Variants in STAG1 observed in about 807,000 individuals in gnomAD.
STAG1 encodes STAG1 cohesin complex component, also known as cohesin subunit SA-1.
In STAG1, 26 loss-of-function variants were observed where a neutral mutation model predicts 170.9. The ratio of observed to expected loss-of-function variants is 0.15; its 90% CI spans 0.11 to 0.21. The LOEUF is 0.21. STAG1 is among the 10% of genes least tolerant of loss of function. The pLI is 1.00. For synonymous variants in STAG1, 514 were observed against 497.7 expected (o/e 1.03, Z -0.44); for missense variants, 964 against 1,509.5 (o/e 0.64, Z 5.99).
At position 136,341,559 on chromosome 3, in the gene STAG1, A is replaced by G; in HGVS notation, c.3447-8T>C. 6.4e-7 allele frequency: 1 copy of G among 1,566,114 alleles called. No homozygotes were observed. The highest frequency in any genetic ancestry group is 8.8e-7 in the Non-Finnish European group (1 of 1,137,560). On this transcript the variant is annotated splice_region_variant and splice_polypyrimidine_tract_variant and intron_variant, in intron 30 of 33. Coordinates refer to ENST00000383202, the MANE Select transcript of STAG1 (RefSeq NM_005862.3). ...GAGATCTGCATCTGAGGACTAAGAG[A>G]GGGTACTATTATTAATTTTGTAGCA...
rs1378368167 is a variant in STAG1, at chr3:136,398,868, C to A, written c.2197-39G>T. 3.7e-5 allele frequency: 47 copies of A among 1,279,542 alleles called. No individual in the cohort carries two copies. Among genetic ancestry groups the A allele is most frequent in the Admixed American group, 6.6e-5 (3 of 45,378 alleles). 79.3% of individuals were successfully genotyped at this position (1,279,542 alleles called of 1,614,324 possible). On this transcript the variant is annotated intron_variant, in intron 21 of 33. Coordinates refer to ENST00000383202, the MANE Select transcript of STAG1 (RefSeq NM_005862.3). ...AAAAAAATTTTTTTAATGAAAAATT[C>A]AAAAAAATGAGATCATCTGTTTGCA...
chr3:136,702,177 T>C (rs1002604332), intron 1 of STAG1, among the ~76,000 whole-genome samples: 1 of 149,720 alleles, frequency 6.7e-6, no homozygotes, highest in South Asian at 2.1e-4. Flanking sequence ...GAATGTGGTG[T>C]GTGTGTAAAG....
Position 136,378,184 on chromosome 3 carries a change from T to C in STAG1, c.2278-432A>G, listed in dbSNP as rs1368911231. Among the ~76,000 whole-genome samples, 20 of 152,292 alleles carry C rather than the reference T, an allele frequency of 1.3e-4. No individual in the cohort carries two copies. In the East Asian group the frequency reaches 3.9e-3, roughly 29 times the overall value. The stretch of plus-strand genomic sequence containing the variant: ...CTGCAAAATGTCAGGGGAAGAAAGA[T>C]AAATTTAAGACAGTGCCATGCCCTC... On this transcript the variant is annotated intron_variant, in intron 22 of 33. Coordinates refer to ENST00000383202, the MANE Select transcript of STAG1 (RefSeq NM_005862.3).
Position 136,696,532 on chromosome 3 carries a change from C to CTT in STAG1, c.-84+55661_-84+55662dup, listed in dbSNP as rs200491458. On this transcript the variant is annotated intron_variant, in intron 1 of 33. Coordinates refer to ENST00000383202, the MANE Select transcript of STAG1 (RefSeq NM_005862.3). Reference sequence around the variant, plus strand: ...AGTAAATACTAATGTAAACTATGAACTTTGAGTGATAATGAGTCAGTGTAG... The same window carrying CTT: ...AGTAAATACTAATGTAAACTATGAACTTTTTGAGTGATAATGAGTCAGTGTAG... Among the ~76,000 whole-genome samples the CTT allele has an allele frequency of 5.1e-3, 772 of 152,084 alleles. 15 individuals are homozygous for CTT. Among genetic ancestry groups the CTT allele is most frequent in the Admixed American group, 0.031 (479 of 15,262 alleles).
At chr3:136,459,465 A>G (rs2089215002) in intron 13 of STAG1, among the ~76,000 whole-genome samples, 2 of 152,190 alleles carry the variant, frequency 1.3e-5, no homozygotes, top group Non-Finnish European at 1.5e-5. Flanking sequence ...CCAGACGGAA[A>G]AAGAATCAAT....
chr3:136,571,229 GC>G (rs1559885069), intron 4 of STAG1, among the ~76,000 whole-genome samples: 1 of 152,100 alleles, frequency 6.6e-6, no homozygotes, highest in Non-Finnish European at 1.5e-5. Context: ...CATATGAAGA[GC>G]TCAAAACATT....
intron 32 of STAG1, among the ~76,000 whole-genome samples, chr3:136,338,761 A>G (rs1489306316): frequency 6.6e-6 from 1 of 152,252 alleles, no homozygotes; most frequent in East Asian, 1.9e-4. Context: ...AAAGTCACAG[A>G]AAAATTACAG....
intron 1 of STAG1, among the ~76,000 whole-genome samples, chr3:136,653,557 AT>A (rs1285922083): frequency 6.6e-6 from 1 of 152,146 alleles, no homozygotes; most frequent in Non-Finnish European, 1.5e-5. Context: ...CTATACACAT[AT>A]TTACTAATTA....
chr3:136,439,128 G>A (rs1329312643), intron 15 of STAG1, among the ~76,000 whole-genome samples: 7 of 148,338 alleles, frequency 4.7e-5, no homozygotes, highest in African/African-American at 7.5e-5. Context: ...CCTGGGAGGC[G>A]GAGGTTGCAG....
intron 22 of STAG1, among the ~76,000 whole-genome samples, chr3:136,385,379 G>A (rs981455330): frequency 1.3e-5 from 2 of 152,314 alleles, no homozygotes; most frequent in Non-Finnish European, 2.9e-5. Flanking sequence ...GATTGAGGCT[G>A]CAGTGAGCCA....
At chr3:136,668,972 A>G (rs1263337272) in intron 1 of STAG1, among the ~76,000 whole-genome samples, 1 of 152,212 alleles carries the variant, frequency 6.6e-6, no homozygotes, top group African/African-American at 2.4e-5. Flanking sequence ...ATGATGCCCT[A>G]TACTTCTTCA....
chr3:136,727,291 C>G (rs1406006256), intron 1 of STAG1, among the ~76,000 whole-genome samples: 1 of 152,190 alleles, frequency 6.6e-6, no homozygotes, highest in East Asian at 1.9e-4. Context: ...ATCTCATTCC[C>G]CATCTATGTT....
intron 1 of STAG1, among the ~76,000 whole-genome samples, chr3:136,633,526 C>T (rs1003935900): frequency 4.6e-5 from 7 of 151,770 alleles, no homozygotes; most frequent in African/African-American, 1.7e-4. Flanking sequence ...ATGGTGAAAC[C>T]CCATCTCCAC....
intron 16 of STAG1, among the ~76,000 whole-genome samples, chr3:136,425,085 G>A (rs560075008): frequency 3.0e-3 from 463 of 151,880 alleles, no homozygotes; most frequent in African/African-American, 9.7e-3. Flanking sequence ...TGATCTGCCC[G>A]CCCCGGCCTC....
At position 136,366,968 on chromosome 3, in the gene STAG1, G is replaced by A; in HGVS notation, c.2660C>T (p.Ala887Val). The A allele has an allele frequency of 6.2e-7, 1 of 1,607,720 alleles. No individual in the cohort carries two copies. Among genetic ancestry groups the A allele is most frequent in the Non-Finnish European group, 8.5e-7 (1 of 1,175,860 alleles). The change falls in exon 25 of 34, where the codon GCA (alanine) becomes GTA (valine). Residue 887 changes from alanine to valine, a missense_variant. This residue lies in a region of STAG1 where 149 missense variants were observed against 301.3 expected (regional missense o/e 0.49). Transcript: ENST00000383202. ...IYDIVDMHAA[A>V]DIFKHYMKYY... ...CTTCATGTAGTGTTTGAAGATGTCT[G>A]CAGCTGCATGCATGTCAACAATGTC...
At chr3:136,475,232 C>T (rs1245337785) in intron 10 of STAG1, among the ~76,000 whole-genome samples, 2 of 149,640 alleles carry the variant, frequency 1.3e-5, no homozygotes, top group Non-Finnish European at 3.0e-5. Context: ...CTGCAACCTC[C>T]GCCTCCCAGG....
Position 136,663,520 on chromosome 3 carries a change from AT to A in STAG1, c.-83-32540del, listed in dbSNP as rs1221584561. Among the ~76,000 whole-genome samples the A allele has an allele frequency of 3.9e-5, 6 of 152,320 alleles. No homozygotes were observed. In the South Asian group the frequency reaches 1.2e-3, roughly 32 times the overall value. On this transcript the variant is annotated intron_variant, in intron 1 of 33. Coordinates refer to ENST00000383202, the MANE Select transcript of STAG1 (RefSeq NM_005862.3). ...GCACCAGAGATAAGGGGAATGAAAG[AT>A]TTTACAGGTAGGCTTCAGACAAGCA...
At chr3:136,659,936 T>G (rs977919159) in intron 1 of STAG1, among the ~76,000 whole-genome samples, 2 of 152,204 alleles carry the variant, frequency 1.3e-5, no homozygotes, top group African/African-American at 4.8e-5. Context: ...CCCAGAACTT[T>G]GGAAGGCCAA....
chr3:136,560,747 A>G (rs1936806478), intron 5 of STAG1, among the ~76,000 whole-genome samples: 1 of 152,240 alleles, frequency 6.6e-6, no homozygotes, highest in African/African-American at 2.4e-5. Flanking sequence ...TGAGATAGCT[A>G]AATTAGAAAA....
Sources: allele counts gnomAD v4.1 joint callset (sites outside exome capture counted in the v4.1 genomes callset), GRCh38; gene constraint gnomAD v4.1.1; regional missense constraint gnomAD v4.1.1; transcripts MANE v1.5; gene names NCBI Gene and HGNC (gene_info 2026-07-23, HGNC 2026-07-21).